Variants in EYS observed in about 807,000 individuals in gnomAD.
EYS encodes the protein EGF-like photoreceptor maintenance factor, also known as protein eyes shut homolog.
A neutral mutation model predicts 282.1 loss-of-function variants in EYS; 250 were observed. The ratio of observed to expected loss-of-function variants is 0.89; its 90% CI spans 0.80 to 0.98. EYS has a LOEUF of 0.98. EYS is among the 50% of genes least tolerant of loss of function. The pLI is 0.00. For synonymous variants in EYS, 1,355 were observed against 1,282.9 expected, an observed-to-expected ratio of 1.06 and a Z score of -1.20; for missense variants, 4,016 against 3,709.0, an observed-to-expected ratio of 1.08 and a Z score of -2.15.
intron 8 of EYS, among the ~76,000 whole-genome samples, chr6:65,357,550 T>G (rs1764535806): frequency 6.6e-6 from 1 of 152,052 alleles, no homozygotes; most frequent in East Asian, 1.9e-4. Context: ...ACTGGTAGAT[T>G]CATTTTGGTT....
rs192965242 is a variant in EYS, at chr6:65,172,188, T to C, written c.2024-114461A>G. 1.8e-3 allele frequency among the ~76,000 whole-genome samples: 270 copies of C among 151,240 alleles called. 3 individuals carry two copies. The highest frequency in any genetic ancestry group is 2.7e-4 in the Non-Finnish European group (18 of 67,668). On this transcript the variant is annotated intron_variant, in intron 12 of 42. Transcript: ENST00000503581. ...TTATTTTTATGAAAGTTTGTACTTTTGATTAAAATAATCATAGGATAAATC... is the reference window on the plus strand; with the variant it reads ...TTATTTTTATGAAAGTTTGTACTTTCGATTAAAATAATCATAGGATAAATC...
chr6:63,723,764 T>G (rs777987645), intron 42 of EYS, among the ~76,000 whole-genome samples: 1 of 150,284 alleles, frequency 6.7e-6, no homozygotes, highest in Non-Finnish European at 1.5e-5. Context: ...GATGCTCTAG[T>G]TATGGGTCAT....
intron 2 of EYS, among the ~76,000 whole-genome samples, chr6:65,542,421 T>G (rs975561409): frequency 6.6e-6 from 1 of 151,954 alleles, no homozygotes; most frequent in Non-Finnish European, 1.5e-5. Context: ...CCAAATAGTA[T>G]TTCATATGGA....
intron 14 of EYS, among the ~76,000 whole-genome samples, chr6:64,961,474 C>A (rs1292503673): frequency 6.6e-6 from 1 of 151,898 alleles, no homozygotes; most frequent in Non-Finnish European, 1.5e-5. Context: ...TATATACACA[C>A]ACAATTTATA....
Position 64,144,273 on chromosome 6 carries a change from C to T in EYS, c.6425-62271G>A, listed in dbSNP as rs537347635. Among the ~76,000 whole-genome samples, 4 of 152,240 alleles carry T rather than the reference C, an allele frequency of 2.6e-5. No homozygotes were observed. The East Asian group carries it at 7.7e-4, about 29-fold the overall frequency. ...TTACTTTTTTTGTACTTTGTTCATG[C>T]TTCAGACTACCATATTGCTTCACTT... is the stretch of plus-strand genomic sequence containing the variant. On this transcript the variant is annotated intron_variant, in intron 31 of 42. Coordinates refer to ENST00000503581, the MANE Select transcript of EYS (RefSeq NM_001142800.2).
chr6:64,066,562 C>T (rs1381483346), intron 32 of EYS, 71 bp from the exon 33 acceptor site: 3 of 1,075,960 alleles, frequency 2.8e-6, no homozygotes, highest in African/African-American at 1.6e-5. Context: ...TAATTAAACA[C>T]AATCTTTGCC....
chr6:65,096,821 A>G (rs1412741652), intron 12 of EYS, among the ~76,000 whole-genome samples: 1 of 151,024 alleles, frequency 6.6e-6, no homozygotes, highest in Non-Finnish European at 1.5e-5. Flanking sequence ...TTGGACCCTT[A>G]TCTTACACCC....
chr6:65,037,896 T>C (rs1375947884), intron 13 of EYS, among the ~76,000 whole-genome samples: 1 of 151,592 alleles, frequency 6.6e-6, no homozygotes, highest in Non-Finnish European at 1.5e-5. Context: ...AAAACATGAG[T>C]TTATACTCAT....
At chr6:65,032,493 T>C (rs1772635519) in intron 13 of EYS, among the ~76,000 whole-genome samples, 1 of 152,158 alleles carries the variant, frequency 6.6e-6, no homozygotes, top group Non-Finnish European at 1.5e-5. Context: ...TTTAAAAGTG[T>C]GTGACACCTG....
intron 41 of EYS, among the ~76,000 whole-genome samples, chr6:63,738,670 T>C (rs1025210453): frequency 2.0e-5 from 3 of 151,468 alleles, no homozygotes; most frequent in Admixed American, 6.6e-5. Flanking sequence ...CACACCAGCA[T>C]GGCACATGTA....
chr6:64,895,149 C>G (rs1767415168), intron 18 of EYS, among the ~76,000 whole-genome samples: 1 of 151,942 alleles, frequency 6.6e-6, no homozygotes, highest in Non-Finnish European at 1.5e-5. Flanking sequence ...AATGCAAAAG[C>G]TAGAAAGGGC....
intron 19 of EYS, among the ~76,000 whole-genome samples, chr6:64,873,201 T>G (rs543951132): frequency 3.3e-5 from 5 of 152,084 alleles, no homozygotes; most frequent in Non-Finnish European, 7.4e-5. Context: ...CTCACATGGA[T>G]GGCAGCAAGC....
At chr6:64,085,366 A>G (rs1436558686) in intron 31 of EYS, among the ~76,000 whole-genome samples, 1 of 151,408 alleles carries the variant, frequency 6.6e-6, no homozygotes, top group Non-Finnish European at 1.5e-5. Context: ...ACACACACAC[A>G]GTGCTGCTTT....
chr6:64,439,065 G>C, intron 27 of EYS, 97 bp downstream of exon 27: 3 of 631,772 alleles, frequency 4.7e-6, no homozygotes, highest in East Asian at 3.2e-5. Context: ...ATAATATATA[G>C]AGTTAAGTTT....
At chr6:63,915,938 T>A (rs2780942) in intron 35 of EYS, among the ~76,000 whole-genome samples, 107,739 of 152,110 alleles carry the variant, frequency 0.71, 38,287 homozygotes, top group Non-Finnish European at 0.73. Context: ...CCTGGTGAAG[T>A]TGATGTAAAC....
At chr6:65,433,321 T>C in intron 5 of EYS, among the ~76,000 whole-genome samples, 1 of 152,148 alleles carries the variant, frequency 6.6e-6, no homozygotes, top group East Asian at 1.9e-4. Flanking sequence ...AGAATGTCAG[T>C]CACTTCATCT....
In EYS at chr6:63,882,506, C is replaced by T. The variant is rs536843878; in HGVS notation, c.7056-18148G>A. Among the ~76,000 whole-genome samples the T allele has an allele frequency of 3.3e-5, 5 of 152,302 alleles. No homozygotes were observed. In the South Asian group the frequency reaches 6.2e-4, roughly 19 times the overall value. ...TTCATTCATTCATTCACCCACTCAACGTTTACTGAACTTTTTCCCTATTCC... is the reference window on the plus strand; with the variant it reads ...TTCATTCATTCATTCACCCACTCAATGTTTACTGAACTTTTTCCCTATTCC... On this transcript the variant is annotated intron_variant, in intron 35 of 42. Coordinates refer to ENST00000503581, the MANE Select transcript of EYS (RefSeq NM_001142800.2).
At chr6:65,075,086 CTACTT>C (rs1337338443) in intron 12 of EYS, among the ~76,000 whole-genome samples, 1 of 151,996 alleles carries the variant, frequency 6.6e-6, no homozygotes, top group African/African-American at 2.4e-5. Context: ...CTCACCCACT[CTACTT>C]GTTATCTTCA....
At chr6:64,351,065 TC>T (rs1331756381) in intron 29 of EYS, among the ~76,000 whole-genome samples, 56 of 73,254 alleles carry the variant, frequency 7.6e-4, no homozygotes, top group Non-Finnish European at 1.2e-3. Context: ...CAATGAAACC[TC>T]TTTTTTTTTT....
Sources: gnomAD v4.1 joint callset for allele counts (sites outside exome capture counted in the v4.1 genomes callset) on GRCh38, gnomAD v4.1.1 for gene constraint, MANE v1.5 for transcripts, NCBI Gene and HGNC (gene_info 2026-07-23, HGNC 2026-07-21) for gene names.